DNAH9: variants seen among roughly 807,000 people sequenced by gnomAD.
DNAH9 encodes the protein DNAH9 variant protein.
Under a neutral mutation model 471.6 loss-of-function variants are expected in DNAH9, and 345 were observed. That is an observed-to-expected ratio of 0.73 (90% CI 0.67 to 0.80). The LOEUF is 0.80. Ranked by LOEUF, DNAH9 falls within the 30% of genes least tolerant of loss-of-function variation. The probability of loss-of-function intolerance (pLI) is 0.00; values close to 1 mark genes in which losing one functional copy is unlikely to be tolerated. For missense variants in DNAH9, 5,407 were observed against 5,609.2 expected, an observed-to-expected ratio of 0.96 and a Z score of 1.15; for synonymous variants, 2,093 against 2,123.6, an observed-to-expected ratio of 0.99 and a Z score of 0.40.
In DNAH9 at chr17:11,694,447, G is replaced by A. The variant is rs768882588; in HGVS notation, c.4872G>A (p.Gln1624=). 4 of 1,613,052 alleles carry A rather than the reference G, an allele frequency of 2.5e-6. No homozygotes were observed. The highest frequency in any genetic ancestry group is 1.1e-5 in the South Asian group (1 of 90,982). ...TTTCCAACGGCACAGCTCCACAACA[G>A]GTAAGCTGGAGGAGCATCTGCAGAA... ...DILSNGTAPQ[Q]VQRHLSKLFD... is the part of the protein sequence containing the mutation. Residue 1624 remains glutamine, a splice_region_variant and synonymous_variant, in exon 22 of 69, where the codon CAG becomes CAA. Transcript: ENST00000262442.
At chr17:11,680,296 G>A (rs542770325) in intron 18 of DNAH9, among the ~76,000 whole-genome samples, 2 of 152,096 alleles carry the variant, frequency 1.3e-5, no homozygotes, top group African/African-American at 2.4e-5. Flanking sequence ...AGGTAATGTG[G>A]GACATAAAAG....
chr17:11,779,732 A>G (rs1476113075), intron 38 of DNAH9, among the ~76,000 whole-genome samples: 1 of 152,208 alleles, frequency 6.6e-6, no homozygotes, highest in African/African-American at 2.4e-5. Context: ...ATTATATTTC[A>G]TTTTGACAGA....
At chr17:11,954,479 T>C (rs923076355) in intron 67 of DNAH9, among the ~76,000 whole-genome samples, 1 of 151,788 alleles carries the variant, frequency 6.6e-6, no homozygotes, top group African/African-American at 2.4e-5. Context: ...AAAAGAATGA[T>C]GGCAGACTTC....
intron 51 of DNAH9, 76 bp downstream of exon 51, chr17:11,869,329 A>C: frequency 6.3e-7 from 1 of 1,577,142 alleles, no homozygotes. Flanking sequence ...TGCAAGATAG[A>C]TGAGCACAGC....
chr17:11,636,500 AG>A, intron 8 of DNAH9, 133 bp from the exon 9 acceptor site: 1 of 641,382 alleles, frequency 1.6e-6, no homozygotes, highest in South Asian at 2.1e-5. Flanking sequence ...TTACAGGTCC[AG>A]CTCCACAATA....
intron 1 of DNAH9, among the ~76,000 whole-genome samples, chr17:11,602,451 C>T (rs1005230298): frequency 6.6e-6 from 1 of 152,170 alleles, no homozygotes; most frequent in African/African-American, 2.4e-5. Context: ...CTACAGCCTT[C>T]TCCTAAGCCT....
At chr17:11,673,659 A>G (rs2074005922) in intron 17 of DNAH9, among the ~76,000 whole-genome samples, 1 of 144,054 alleles carries the variant, frequency 6.9e-6, no homozygotes, top group Non-Finnish European at 1.5e-5. Context: ...AAGTTTTATG[A>G]TGAAATATAA....
chr17:11,948,094 G>C (rs990764199), intron 67 of DNAH9, among the ~76,000 whole-genome samples: 2 of 151,812 alleles, frequency 1.3e-5, no homozygotes, highest in African/African-American at 4.8e-5. Context: ...TCAAACGTGT[G>C]ATGGCATCAG....
rs1458537119 is a variant in DNAH9 at position 11,705,058 on chromosome 17, C to T, written c.5425C>T (p.Gln1809Ter). 5.6e-6 allele frequency: 9 copies of T among 1,614,104 alleles called. No homozygotes were observed. Among genetic ancestry groups the T allele is most frequent in the Non-Finnish European group, 7.6e-6 (9 of 1,180,020 alleles). Residue 1809 changes from glutamine to a stop codon, truncating the protein, a stop_gained, in exon 26 of 69, where the codon CAG becomes TAG. Coordinates refer to ENST00000262442, the MANE Select transcript of DNAH9 (RefSeq NM_001372.4). LOFTEE classifies it high-confidence loss of function. ...TGCCCAGGCTTTCCTCTGGCTGTCT[C>T]AGCTGCGCCATCGTTGGGATGACGA... is the stretch of plus-strand genomic sequence containing the variant. ...DNAQAFLWLS[Q>*]LRHRWDDEVK...
Position 11,854,411 on chromosome 17 carries a change from A to G in DNAH9, c.9916A>G (p.Ile3306Val). The G allele has an allele frequency of 6.2e-7, 1 of 1,612,794 alleles. No individual in the cohort carries two copies. The highest frequency in any genetic ancestry group is 8.5e-7 in the Non-Finnish European group (1 of 1,179,178). Residue 3306 changes from isoleucine to valine, a missense_variant, in exon 50 of 69, where the codon ATC becomes GTC. By Grantham distance (29) the Ile-to-Val change is conservative (BLOSUM62 3). Coordinates refer to ENST00000262442, the MANE Select transcript of DNAH9 (RefSeq NM_001372.4). Reference sequence around the variant, plus strand: ...AGCTGCCCAGGAGAAGCTGGCTGCCATCAAAGCCAAGATCGCTGTGAGTGA... The same window carrying G: ...AGCTGCCCAGGAGAAGCTGGCTGCCGTCAAAGCCAAGATCGCTGTGAGTGA... ...LTAAQEKLAA[I>V]KAKIAHLNEN...
intron 61 of DNAH9, among the ~76,000 whole-genome samples, chr17:11,913,073 C>T (rs2151020877): frequency 6.6e-6 from 1 of 152,196 alleles, no homozygotes; most frequent in East Asian, 1.9e-4. Flanking sequence ...GAGGCTGAGG[C>T]AAGAGAATTG....
intron 43 of DNAH9, among the ~76,000 whole-genome samples, chr17:11,807,264 T>C (rs1969724054): frequency 6.6e-6 from 1 of 152,222 alleles, no homozygotes; most frequent in Non-Finnish European, 1.5e-5. Flanking sequence ...CTTCTCTTCT[T>C]TCCTAAGAGG....
At position 11,770,447 on chromosome 17, in the gene DNAH9, G is replaced by A. The variant is rs80065140; in HGVS notation, c.7552+1118G>A. Among the ~76,000 whole-genome samples, 136 of 112,314 alleles carry A rather than the reference G, an allele frequency of 1.2e-3. 1 individual carries two copies. Among genetic ancestry groups the A allele is most frequent in the Non-Finnish European group, 1.2e-3 (70 of 58,532 alleles). The allele number at this position is 112,314 out of a possible 152,430, so 73.7% of individuals were successfully genotyped here. A position where few individuals can be genotyped will look rare whatever the true frequency, so the allele number is the denominator to read the frequency against. ...TCTAGCCAACTCAAAATGCTGATGGGGGGGAGCACCACCTCTGCTCTCTGC... is the reference window on the plus strand; with the variant it reads ...TCTAGCCAACTCAAAATGCTGATGGAGGGGAGCACCACCTCTGCTCTCTGC... On this transcript the variant is annotated intron_variant, in intron 38 of 68. Coordinates refer to ENST00000262442, the MANE Select transcript of DNAH9 (RefSeq NM_001372.4).
intron 38 of DNAH9, among the ~76,000 whole-genome samples, chr17:11,778,546 A>G (rs954710010): frequency 1.3e-5 from 2 of 151,926 alleles, no homozygotes; most frequent in Non-Finnish European, 2.9e-5. Context: ...ACATTTTACA[A>G]GGGTATTCTT....
In DNAH9 at chr17:11,892,045, A is replaced by C; in HGVS notation, c.11283+98A>C. On this transcript the variant is annotated intron_variant, in intron 58 of 68. Coordinates refer to ENST00000262442, the MANE Select transcript of DNAH9 (RefSeq NM_001372.4). The surrounding 1 kb of genome is among the most constrained non-coding windows in gnomAD (Gnocchi z 4.3). ...TTCTTCTTTGAACATCACTTTCCAC[A>C]GCATGTCCAGACTATCTGTCTTTGG... 7.3e-7 allele frequency: 1 copy of C among 1,373,592 alleles called. No individual in the cohort carries two copies. Among genetic ancestry groups the C allele is most frequent in the Non-Finnish European group, 1.0e-6 (1 of 986,884 alleles). 85.1% of individuals were successfully genotyped at this position (1,373,592 alleles called of 1,614,324 possible).
chr17:11,877,823 CT>C (rs567134526), intron 53 of DNAH9, among the ~76,000 whole-genome samples: 1 of 152,264 alleles, frequency 6.6e-6, no homozygotes, highest in African/African-American at 2.4e-5. Context: ...CAACCTCCAC[CT>C]CCTGGGTTGA....
chr17:11,963,022 T>C (rs966556519), intron 68 of DNAH9, among the ~76,000 whole-genome samples: 1 of 152,130 alleles, frequency 6.6e-6, no homozygotes. Flanking sequence ...CAAAAATTCA[T>C]GTCTAGGCAT....
intron 45 of DNAH9, among the ~76,000 whole-genome samples, chr17:11,814,013 G>A (rs1343384417): frequency 2.0e-5 from 3 of 152,156 alleles, no homozygotes; most frequent in East Asian, 3.9e-4. Flanking sequence ...CCTTGATAGG[G>A]GTCATGCAAC....
At chr17:11,869,702 A>T (rs1972192194) in intron 51 of DNAH9, among the ~76,000 whole-genome samples, 1 of 152,236 alleles carries the variant, frequency 6.6e-6, no homozygotes, top group Admixed American at 6.5e-5. Flanking sequence ...ACACACAGAC[A>T]CACATATACA....
Sources: gnomAD v4.1 joint callset for allele counts (sites outside exome capture counted in the v4.1 genomes callset) on GRCh38, gnomAD v4.1.1 for gene constraint, Gnocchi (gnomAD v3.1) non-coding constraint, MANE v1.5 for transcripts, NCBI Gene and HGNC (gene_info 2026-07-23, HGNC 2026-07-21) for gene names.